Variants in PHAF1 observed in about 807,000 individuals in gnomAD.
PHAF1 encodes phagosome assembly factor 1.
A neutral mutation model predicts 63.1 loss-of-function variants in PHAF1; 23 were observed. That is an observed-to-expected ratio of 0.36 (90% CI 0.26 to 0.52). PHAF1 has a LOEUF of 0.52. Among genes scored for constraint, PHAF1 ranks in the 20% least tolerant of loss-of-function variants. The probability of loss-of-function intolerance (pLI) is 0.93; values close to 1 mark genes in which losing one functional copy is unlikely to be tolerated. For missense variants in PHAF1, 427 were observed against 517.2 expected, an observed-to-expected ratio of 0.83 and a Z score of 1.69; for synonymous variants, 167 against 185.0, an observed-to-expected ratio of 0.90 and a Z score of 0.79.
chr16:67,131,244 C>A, intron 3 of PHAF1, 42 bp from the exon 4 acceptor site: 7 of 1,113,176 alleles, frequency 6.3e-6, no homozygotes, highest in South Asian at 3.0e-5. Context: ...TTTAGTCTGT[C>A]ATCACTTTCA....
intron 3 of PHAF1, among the ~76,000 whole-genome samples, chr16:67,128,673 A>G (rs899375397): frequency 6.6e-6 from 1 of 152,220 alleles, no homozygotes; most frequent in Non-Finnish European, 1.5e-5. Context: ...CAGAGATGGA[A>G]AATCATGGGC....
At position 67,145,564 on chromosome 16, in the gene PHAF1, T is replaced by C. The variant is rs775542420; in HGVS notation, c.1051-6T>C. The C allele has an allele frequency of 5.6e-6, 9 of 1,613,948 alleles. No homozygotes were observed. Among genetic ancestry groups the C allele is most frequent in the Non-Finnish European group, 6.8e-6 (8 of 1,179,994 alleles). On this transcript the variant is annotated splice_polypyrimidine_tract_variant and splice_region_variant and intron_variant, in intron 13 of 15. Transcript: ENST00000219139. ...TAACCCCTGCTCCCCTCTATCCCTC[T>C]TGCAGTGGGACAACATCCAGGAGCT...
In PHAF1 at chr16:67,145,365, T is replaced by C; in HGVS notation, c.1007-11T>C. On this transcript the variant is annotated splice_polypyrimidine_tract_variant and intron_variant, in intron 12 of 15. Coordinates refer to ENST00000219139, the MANE Select transcript of PHAF1 (RefSeq NM_025187.5). ...CAGCTACAAATCTGCCCCACTGTCT[T>C]CTCTTTTCAGAAAACGCAGATGGTC... The C allele has an allele frequency of 1.9e-6, 3 of 1,613,974 alleles. No homozygotes were observed. The highest frequency in any genetic ancestry group is 2.5e-6 in the Non-Finnish European group (3 of 1,179,950).
chr16:67,124,605 C>T (rs1319122403), intron 2 of PHAF1, among the ~76,000 whole-genome samples: 3 of 152,180 alleles, frequency 2.0e-5, no homozygotes, highest in East Asian at 1.9e-4. Flanking sequence ...AACCTTTGGC[C>T]GAGCACAGTG....
At chr16:67,119,569 C>T (rs1365225241) in intron 1 of PHAF1, among the ~76,000 whole-genome samples, 5 of 151,094 alleles carry the variant, frequency 3.3e-5, no homozygotes, top group African/African-American at 9.7e-5. Context: ...TTGCCCAGGC[C>T]GAGTGCAGTG....
intron 9 of PHAF1, 36 bp downstream of exon 9, chr16:67,140,153 T>G: frequency 6.3e-7 from 1 of 1,596,186 alleles, no homozygotes; most frequent in Non-Finnish European, 8.6e-7. Context: ...TCCTTTTTTT[T>G]AATCAACACT....
At chr16:67,131,674 A>G (rs1431185612) in intron 4 of PHAF1, among the ~76,000 whole-genome samples, 1 of 152,240 alleles carries the variant, frequency 6.6e-6, no homozygotes. Context: ...CATGAGTAAC[A>G]GAGGTGGGAC....
chr16:67,119,997 T>G, intron 1 of PHAF1, 115 bp from the exon 2 acceptor site: 1 of 770,028 alleles, frequency 1.3e-6, no homozygotes, highest in Admixed American at 2.3e-5. Flanking sequence ...TCTGTAGACC[T>G]TAGTAGCCCC....
intron 1 of PHAF1, among the ~76,000 whole-genome samples, chr16:67,114,812 G>A (rs985816681): frequency 6.6e-6 from 1 of 152,206 alleles, no homozygotes; most frequent in Non-Finnish European, 1.5e-5. Context: ...AGGAAGAACT[G>A]GATTTGGAGA....
intron 2 of PHAF1, among the ~76,000 whole-genome samples, chr16:67,122,695 C>G (rs1049111331): frequency 6.6e-6 from 1 of 151,472 alleles, no homozygotes; most frequent in African/African-American, 2.4e-5. Context: ...TTATGTAAAA[C>G]AGTATAGTTT....
At chr16:67,111,013 T>C (rs1204931496) in intron 1 of PHAF1, among the ~76,000 whole-genome samples, 4 of 152,170 alleles carry the variant, frequency 2.6e-5, no homozygotes, top group African/African-American at 7.2e-5. Flanking sequence ...GGTTTCACCA[T>C]GTTGACCAGG....
chr16:67,126,457 A>AT (rs1434901611), intron 3 of PHAF1, among the ~76,000 whole-genome samples: 1 of 152,230 alleles, frequency 6.6e-6, no homozygotes, highest in East Asian at 1.9e-4. Flanking sequence ...AATACCAGCA[A>AT]TGAGTTGATT....
chr16:67,136,554 C>CTTTTCTTT (rs1963614544), intron 8 of PHAF1, among the ~76,000 whole-genome samples: 1 of 60,492 alleles, frequency 1.7e-5, no homozygotes, highest in African/African-American at 9.6e-5. Flanking sequence ...GCATTGATTC[C>CTTTTCTTT]TTTTTTTTTT....
rs768753247 is a variant in PHAF1, at chr16:67,120,113, A to C, written c.66A>C (p.Gly22=). ...LGNEQWEFTL[G]MPLAQAVAIL... ...CATAGGTGTCTTGCTTTATTTCAGG[A>C]ATGCCTCTGGCTCAGGCAGTAGCCA... The change falls in exon 2 of 16, where the codon GGA becomes GGC. Residue 22 remains glycine, a splice_region_variant and synonymous_variant. Coordinates refer to ENST00000219139, the MANE Select transcript of PHAF1 (RefSeq NM_025187.5). 6.2e-7 allele frequency: 1 copy of C among 1,613,390 alleles called. No homozygotes were observed. The highest frequency in any genetic ancestry group is 1.1e-5 in the South Asian group (1 of 90,978).
At chr16:67,129,571 A>G (rs987417416) in intron 3 of PHAF1, among the ~76,000 whole-genome samples, 8 of 152,352 alleles carry the variant, frequency 5.3e-5, no homozygotes, top group African/African-American at 1.7e-4. Context: ...CCTGCATACA[A>G]TGCCCCACAG....
chr16:67,128,000 A>G (rs886487905), intron 3 of PHAF1, among the ~76,000 whole-genome samples: 2 of 152,212 alleles, frequency 1.3e-5, no homozygotes, highest in Non-Finnish European at 2.9e-5. Context: ...ATAAAATCAC[A>G]GCATGGTGAA....
At chr16:67,144,907 A>T in intron 12 of PHAF1, 30 bp downstream of exon 12, 2 of 1,607,618 alleles carry the variant, frequency 1.2e-6, no homozygotes, top group Admixed American at 1.7e-5. Flanking sequence ...AGGGTAAGGG[A>T]GGGGTTTTAG....
chr16:67,132,314 A>G (rs976885117), intron 4 of PHAF1, 132 bp from the exon 5 acceptor site: 1 of 790,630 alleles, frequency 1.3e-6, no homozygotes. Flanking sequence ...TTCTCTAATT[A>G]AGCTTTGTAT....
At chr16:67,142,675 G>A (rs950300750) in intron 10 of PHAF1, among the ~76,000 whole-genome samples, 22 of 152,332 alleles carry the variant, frequency 1.4e-4, no homozygotes, top group East Asian at 1.4e-3. Flanking sequence ...CAAGCCTGCC[G>A]GGGCAAGGGG....
Sources: gnomAD v4.1 joint callset for allele counts (sites outside exome capture counted in the v4.1 genomes callset) on GRCh38, gnomAD v4.1.1 for gene constraint, MANE v1.5 for transcripts, NCBI Gene and HGNC (gene_info 2026-07-23, HGNC 2026-07-21) for gene names.